Variants in PRKAA2 observed in about 807,000 individuals in gnomAD.
PRKAA2 encodes the protein protein kinase AMP-activated catalytic subunit alpha 2, also known as 5'-AMP-activated protein kinase catalytic subunit alpha-2.
In PRKAA2, 40 loss-of-function variants were observed where a neutral mutation model predicts 56.3. The ratio of observed to expected loss-of-function variants is 0.71; its 90% CI spans 0.55 to 0.92. The LOEUF is 0.92. Ranked by LOEUF, PRKAA2 falls within the 40% of genes least tolerant of loss-of-function variation. The pLI, the probability that PRKAA2 is intolerant of heterozygous loss-of-function variation, is 0.00. For missense variants in PRKAA2, 542 were observed against 686.9 expected (o/e 0.79, Z 2.36); for synonymous variants, 214 against 234.2 (o/e 0.91, Z 0.79).
chr1:56,697,126 A>G (rs1240623384), intron 6 of PRKAA2, among the ~76,000 whole-genome samples: 1 of 147,692 alleles, frequency 6.8e-6, no homozygotes, highest in Non-Finnish European at 1.5e-5. Context: ...TGTTCCTCCC[A>G]CCCCAGGCTC....
At chr1:56,647,701 C>T (rs761256915) in intron 1 of PRKAA2, among the ~76,000 whole-genome samples, 12 of 145,982 alleles carry the variant, frequency 8.2e-5, no homozygotes, top group Non-Finnish European at 1.1e-4. Context: ...AAGGGACAAG[C>T]GAAACAAAAA....
intron 1 of PRKAA2, among the ~76,000 whole-genome samples, chr1:56,656,157 A>T (rs1055715635): frequency 1.3e-5 from 2 of 152,212 alleles, no homozygotes; most frequent in Admixed American, 1.3e-4. Flanking sequence ...CATTGAAGAG[A>T]GGATTAGTGA....
chr1:56,662,583 G>A (rs755888120), intron 1 of PRKAA2, among the ~76,000 whole-genome samples: 2 of 152,048 alleles, frequency 1.3e-5, no homozygotes, highest in African/African-American at 2.4e-5. Flanking sequence ...CACCATGCCC[G>A]GCCAACTTTA....
rs572721772 is a variant in PRKAA2 at position 56,669,131 on chromosome 1, C to T, written c.95-5250C>T. Reference sequence around the variant, plus strand: ...ATGATAATCCTGATAAATGGCTGAGCTTCCTCTGTTTGAATACTGGATGAT... The same window carrying T: ...ATGATAATCCTGATAAATGGCTGAGTTTCCTCTGTTTGAATACTGGATGAT... On this transcript the variant is annotated intron_variant, in intron 1 of 8. Coordinates refer to ENST00000371244, the MANE Select transcript of PRKAA2 (RefSeq NM_006252.4). Among the ~76,000 whole-genome samples, 7 of 152,236 alleles carry T rather than the reference C, an allele frequency of 4.6e-5. No homozygotes were observed. The East Asian group carries it at 1.4e-3, about 29-fold the overall frequency.
chr1:56,697,963 T>C (rs1644269771), intron 6 of PRKAA2, among the ~76,000 whole-genome samples: 1 of 151,950 alleles, frequency 6.6e-6, no homozygotes, highest in South Asian at 2.1e-4. Flanking sequence ...TTCATCTCTA[T>C]ACTTTAATAT....
intron 1 of PRKAA2, among the ~76,000 whole-genome samples, chr1:56,658,344 G>C (rs1643961572): frequency 6.6e-6 from 1 of 152,146 alleles, no homozygotes; most frequent in Non-Finnish European, 1.5e-5. Context: ...AGGAGGACGA[G>C]TAAGAAGGAG....
intron 1 of PRKAA2, among the ~76,000 whole-genome samples, chr1:56,663,691 C>A (rs1644012500): frequency 6.6e-6 from 1 of 152,172 alleles, no homozygotes; most frequent in Admixed American, 6.5e-5. Context: ...ATTGACATGC[C>A]TATGATGTCG....
intron 6 of PRKAA2, 127 bp from the exon 7 acceptor site, chr1:56,703,844 A>G: frequency 9.9e-7 from 1 of 1,013,964 alleles, no homozygotes; most frequent in East Asian, 2.4e-5. Context: ...TCACATAGCT[A>G]GTAAGTGGCA....
intron 6 of PRKAA2, among the ~76,000 whole-genome samples, chr1:56,699,071 A>G (rs1178634081): frequency 6.6e-6 from 1 of 152,206 alleles, no homozygotes. Context: ...TGGGGAGCGT[A>G]GTCATAGATC....
Position 56,710,471 on chromosome 1 carries a change from TTAA to T in PRKAA2, c.*2761_*2763del, listed in dbSNP as rs1430452898. 3 of 152,094 alleles carry T rather than the reference TTAA, an allele frequency of 2.0e-5. No individual in the cohort carries two copies. The highest frequency in any genetic ancestry group is 4.4e-5 in the Non-Finnish European group (3 of 67,960). 9.4% of individuals were successfully genotyped at this position (152,094 alleles called of 1,614,324 possible). A position where few individuals can be genotyped will look rare whatever the true frequency, so the allele number is the denominator to read the frequency against. Reference sequence around the variant, plus strand: ...AAATTAATTTTTCATTTTAAAAAACTTAATAGCCCATGAAAAGCAAATTTGGGA... The same window carrying T: ...AAATTAATTTTTCATTTTAAAAAACTTAGCCCATGAAAAGCAAATTTGGGA... On this transcript the variant is annotated 3_prime_UTR_variant, in exon 9 of 9. Transcript: ENST00000371244.
intron 1 of PRKAA2, among the ~76,000 whole-genome samples, chr1:56,656,970 G>C (rs924641260): frequency 2.6e-5 from 4 of 152,184 alleles, no homozygotes; most frequent in Non-Finnish European, 5.9e-5. Flanking sequence ...AGGGAATGGG[G>C]CAGAGGCAGC....
At chr1:56,699,118 ATGAT>A (rs1388488726) in intron 6 of PRKAA2, among the ~76,000 whole-genome samples, 3 of 152,190 alleles carry the variant, frequency 2.0e-5, no homozygotes, top group African/African-American at 7.2e-5. Flanking sequence ...AGGTCTGAAA[ATGAT>A]TGAATATCAG....
intron 2 of PRKAA2, among the ~76,000 whole-genome samples, chr1:56,677,963 A>C (rs1644125702): frequency 6.6e-6 from 1 of 152,004 alleles, no homozygotes. Context: ...AGGCCCGAAG[A>C]CTTATTTTTG....
At chr1:56,646,625 A>G (rs1227939249) in intron 1 of PRKAA2, among the ~76,000 whole-genome samples, 2 of 152,232 alleles carry the variant, frequency 1.3e-5, no homozygotes, top group Admixed American at 6.5e-5. Context: ...ATCCAGAATT[A>G]TAAGTGAAAT....
intron 1 of PRKAA2, among the ~76,000 whole-genome samples, chr1:56,669,051 AG>A (rs1404534052): frequency 6.6e-6 from 1 of 152,204 alleles, no homozygotes; most frequent in Admixed American, 6.5e-5. Flanking sequence ...TAGAGTTGGA[AG>A]GGGAATTAGC....
In PRKAA2 at chr1:56,692,511, C is replaced by G; in HGVS notation, c.475+9C>G. The G allele has an allele frequency of 1.2e-6, 2 of 1,612,654 alleles. No homozygotes were observed. Among genetic ancestry groups the G allele is most frequent in the Non-Finnish European group, 1.7e-6 (2 of 1,179,414 alleles). ...CAAGATAGCCGATTTCGGTATGTAA[C>G]TCCAGGGTTGTTCAGAAAGGTACTA... On this transcript the variant is annotated intron_variant, in intron 4 of 8. Transcript: ENST00000371244.
chr1:56,694,564 G>A (rs1167402119), intron 5 of PRKAA2, among the ~76,000 whole-genome samples: 1 of 152,226 alleles, frequency 6.6e-6, no homozygotes, highest in African/African-American at 2.4e-5. Context: ...CTGAAGTCTG[G>A]GAAGTCCAAG....
At chr1:56,656,244 T>C (rs1288684091) in intron 1 of PRKAA2, among the ~76,000 whole-genome samples, 1 of 152,156 alleles carries the variant, frequency 6.6e-6, no homozygotes, top group Non-Finnish European at 1.5e-5. Context: ...AAGACACATA[T>C]GAGAACACAG....
Position 56,707,738 on chromosome 1 carries a change from T to C in PRKAA2, c.*25T>C, listed in dbSNP as rs371590974. 1.2e-4 allele frequency: 185 copies of C among 1,534,058 alleles called. No homozygotes were observed. The highest frequency in any genetic ancestry group is 1.6e-4 in the Non-Finnish European group (181 of 1,109,198). On this transcript the variant is annotated 3_prime_UTR_variant, in exon 9 of 9. Coordinates refer to ENST00000371244, the MANE Select transcript of PRKAA2 (RefSeq NM_006252.4). ...ATCTGTCTCTAGTTTCTTTCTGTTA[T>C]TGCACTATGAAAATCAGTTATATTC...
Sources: gnomAD v4.1 joint callset for allele counts (sites outside exome capture counted in the v4.1 genomes callset) on GRCh38, gnomAD v4.1.1 for gene constraint, MANE v1.5 for transcripts, NCBI Gene and HGNC (gene_info 2026-07-23, HGNC 2026-07-21) for gene names.